Variants in SLC35D4 observed in about 807,000 individuals in gnomAD.
SLC35D4 encodes the protein solute carrier family 35 member D4.
the SLC35D4 span, among the ~76,000 whole-genome samples, chr18:23,322,537 T>C: frequency 6.6e-6 from 1 of 152,208 alleles, no homozygotes; most frequent in African/African-American, 2.4e-5. Flanking sequence ...ATGTCCAACT[T>C]TTCTCTGGTG....
chr18:23,251,715 A>G, the SLC35D4 span, among the ~76,000 whole-genome samples: 4 of 152,338 alleles, frequency 2.6e-5, no homozygotes, highest in Admixed American at 2.0e-4. Context: ...ACTGGTTACC[A>G]TTATATACAT....
At chr18:23,251,813 C>T in the SLC35D4 span, among the ~76,000 whole-genome samples, 16 of 152,110 alleles carry the variant, frequency 1.1e-4, no homozygotes, top group African/African-American at 3.1e-4. Context: ...AGGCCAGGCG[C>T]GGTGGCTCAC....
At chr18:23,373,592 GC>G in the SLC35D4 span, 1 of 1,104,636 alleles carries the variant, frequency 9.1e-7, no homozygotes, top group South Asian at 1.3e-5. Context: ...GATTTGGAAT[GC>G]TTCTGCATAG....
chr18:23,418,986 T>C, the SLC35D4 span, among the ~76,000 whole-genome samples: 1 of 151,300 alleles, frequency 6.6e-6, no homozygotes, highest in African/African-American at 2.4e-5. Flanking sequence ...CCAGCCTGGG[T>C]GACAGAGCGA....
chr18:23,341,523 C>T, the SLC35D4 span, among the ~76,000 whole-genome samples: 2 of 152,158 alleles, frequency 1.3e-5, no homozygotes, highest in African/African-American at 4.8e-5. Context: ...CACATAAGCC[C>T]GATTCTCCTC....
At chr18:23,276,224 A>G in the SLC35D4 span, among the ~76,000 whole-genome samples, 5 of 151,726 alleles carry the variant, frequency 3.3e-5, no homozygotes, top group Non-Finnish European at 5.9e-5. Context: ...AGTAGCTGGG[A>G]CTACAGGCAC....
the SLC35D4 span, among the ~76,000 whole-genome samples, chr18:23,330,513 TAAATACCTACAGGAAAATTCA>T: frequency 6.6e-6 from 1 of 152,160 alleles, no homozygotes; most frequent in Admixed American, 6.5e-5. Context: ...CCCCCTACAT[TAAATACCTACAGGAAAATTCA>T]AACTCTGACC....
the SLC35D4 span, chr18:23,384,904 G>A: frequency 8.3e-7 from 1 of 1,197,816 alleles, no homozygotes; most frequent in Non-Finnish European, 1.2e-6. Context: ...GGAAGAGGCA[G>A]ACACTAATTT....
chr18:23,385,585 C>A, the SLC35D4 span, among the ~76,000 whole-genome samples: 1 of 152,158 alleles, frequency 6.6e-6, no homozygotes, highest in Non-Finnish European at 1.5e-5. Flanking sequence ...GCGGATCCAT[C>A]TTCTCCGGGG....
chr18:23,254,197 A>T, the SLC35D4 span, among the ~76,000 whole-genome samples: 2 of 152,220 alleles, frequency 1.3e-5, no homozygotes, highest in Non-Finnish European at 2.9e-5. Flanking sequence ...TGTGAGATGC[A>T]ATCATTCCCA....
chr18:23,256,196 C>T, the SLC35D4 span, among the ~76,000 whole-genome samples: 53 of 152,252 alleles, frequency 3.5e-4, no homozygotes, highest in African/African-American at 1.1e-3. Flanking sequence ...GGGTTGACGC[C>T]AAGGCAGAAT....
At chr18:23,416,008 G>A in the SLC35D4 span, among the ~76,000 whole-genome samples, 1 of 152,138 alleles carries the variant, frequency 6.6e-6, no homozygotes, top group Non-Finnish European at 1.5e-5. Flanking sequence ...AGGAGTTCGA[G>A]ACCAGCCTGA....
At chr18:23,375,644 T>G in the SLC35D4 span, among the ~76,000 whole-genome samples, 1 of 152,218 alleles carries the variant, frequency 6.6e-6, no homozygotes, top group Admixed American at 6.5e-5. Flanking sequence ...GAATAAATAC[T>G]GAGCAAGGCA....
the SLC35D4 span, among the ~76,000 whole-genome samples, chr18:23,425,270 T>A: frequency 6.6e-6 from 1 of 152,080 alleles, no homozygotes; most frequent in East Asian, 1.9e-4. Flanking sequence ...CTGGCTAATT[T>A]TTGTATTTTT....
the SLC35D4 span, among the ~76,000 whole-genome samples, chr18:23,408,148 GACACACACACACAC>G: frequency 1.1e-4 from 15 of 136,320 alleles, no homozygotes; most frequent in South Asian, 1.4e-3. Flanking sequence ...ACTGGCCTGA[GACACACACACACAC>G]ACACACACAC....
At chr18:23,437,526 G>T in the SLC35D4 span, among the ~76,000 whole-genome samples, 2 of 152,072 alleles carry the variant, frequency 1.3e-5, no homozygotes, top group African/African-American at 4.8e-5. Flanking sequence ...CCAAGTTCCC[G>T]GGAAATGGCC....
the SLC35D4 span, chr18:23,297,672 C>T: frequency 3.4e-6 from 1 of 291,874 alleles, no homozygotes; most frequent in Admixed American, 4.7e-5. Context: ...GCGAGCAGAG[C>T]CAGCCCATGA....
At chr18:23,264,512 G>A in the SLC35D4 span, among the ~76,000 whole-genome samples, 1 of 151,922 alleles carries the variant, frequency 6.6e-6, no homozygotes, top group Admixed American at 6.6e-5. Context: ...ACAGGCGCGC[G>A]CCACTACGCC....
the SLC35D4 span, among the ~76,000 whole-genome samples, chr18:23,273,126 T>G: frequency 6.6e-6 from 1 of 152,114 alleles, no homozygotes; most frequent in African/African-American, 2.4e-5. Flanking sequence ...CACGTTTTTG[T>G]TTTGTTGTTG....
Sources: allele counts gnomAD v4.1 joint callset (sites outside exome capture counted in the v4.1 genomes callset), GRCh38; gene constraint gnomAD v4.1.1; transcripts MANE v1.5; gene names NCBI Gene and HGNC (gene_info 2026-07-23, HGNC 2026-07-21).